Variants in ZCCHC8 observed in about 807,000 individuals in gnomAD.
ZCCHC8 encodes the protein zinc finger CCHC-type containing 8.
In ZCCHC8, 27 loss-of-function variants were observed where a neutral mutation model predicts 70.6. The ratio of observed to expected loss-of-function variants is 0.38; its 90% CI spans 0.28 to 0.53. ZCCHC8 has a LOEUF of 0.53. ZCCHC8 is among the 20% of genes least tolerant of loss of function. The pLI is 0.81. For missense variants in ZCCHC8, 737 were observed against 876.9 expected, an observed-to-expected ratio of 0.84 and a Z score of 2.01; for synonymous variants, 293 against 317.4, an observed-to-expected ratio of 0.92 and a Z score of 0.82.
At chr12:122,476,600 AAAAACAAAAAAC>A (rs1957423303) in intron 13 of ZCCHC8, among the ~76,000 whole-genome samples, 1 of 151,750 alleles carries the variant, frequency 6.6e-6, no homozygotes, top group Non-Finnish European at 1.5e-5. Flanking sequence ...TCTCAAAAAA[AAAAACAAAAAAC>A]AAAACAAAAC....
intron 5 of ZCCHC8, among the ~76,000 whole-genome samples, chr12:122,486,038 T>C (rs1486785977): frequency 3.3e-5 from 5 of 152,156 alleles, no homozygotes; most frequent in African/African-American, 1.2e-4. Context: ...CTGAGTTGAA[T>C]ACAATAACTT....
rs139496988 is a variant in ZCCHC8, at chr12:122,490,420, C to T, written c.423+42G>A. ...TGTGGCCCAATAATTGGCAGTGAAA[C>T]GCATAACTTACTAATCTTAAAGTCT... On this transcript the variant is annotated intron_variant, in intron 4 of 13. Transcript: ENST00000633063. 4.9e-5 allele frequency: 73 copies of T among 1,475,032 alleles called. No individual in the cohort carries two copies. The African/African-American group carries it at 8.0e-4, about 16-fold the overall frequency. 91.4% of individuals were successfully genotyped at this position (1,475,032 alleles called of 1,614,324 possible). A position where few individuals can be genotyped will look rare whatever the true frequency, so the allele number is the denominator to read the frequency against.
intron 5 of ZCCHC8, among the ~76,000 whole-genome samples, chr12:122,487,872 T>TTTTG (rs201194069): frequency 1.3e-5 from 2 of 151,564 alleles, no homozygotes; most frequent in East Asian, 1.9e-4. Flanking sequence ...TATATATATA[T>TTTTG]TTTGTTTGTT....
chr12:122,477,160 CTT>C (rs569339886), intron 13 of ZCCHC8, among the ~76,000 whole-genome samples: 4 of 143,280 alleles, frequency 2.8e-5, no homozygotes, highest in Non-Finnish European at 1.5e-5. Flanking sequence ...AATTCATGAT[CTT>C]TTTTTTTTTT....
chr12:122,493,654 C>A (rs1297164516), intron 2 of ZCCHC8, among the ~76,000 whole-genome samples: 3 of 151,664 alleles, frequency 2.0e-5, no homozygotes, highest in Non-Finnish European at 4.4e-5. Context: ...ACTCTGTTGC[C>A]CAGGCTGGAG....
chr12:122,497,001 G>C (rs1266909661), intron 2 of ZCCHC8, among the ~76,000 whole-genome samples: 1 of 151,780 alleles, frequency 6.6e-6, no homozygotes, highest in Non-Finnish European at 1.5e-5. Flanking sequence ...AAATAAATTA[G>C]CCGGGCCTGG....
chr12:122,498,268 G>C (rs1957859545), intron 2 of ZCCHC8, among the ~76,000 whole-genome samples: 1 of 149,594 alleles, frequency 6.7e-6, no homozygotes, highest in African/African-American at 2.5e-5. Flanking sequence ...CCAAGTAGCT[G>C]GGATTACAGG....
At chr12:122,496,629 C>T (rs1324339870) in intron 2 of ZCCHC8, among the ~76,000 whole-genome samples, 2 of 152,094 alleles carry the variant, frequency 1.3e-5, no homozygotes, top group Non-Finnish European at 2.9e-5. Context: ...TCCCATGTAG[C>T]TGAGACCAGA....
chr12:122,495,834 T>G (rs1957817478), intron 2 of ZCCHC8, among the ~76,000 whole-genome samples: 2 of 104,154 alleles, frequency 1.9e-5, no homozygotes, highest in Admixed American at 1.5e-4. Flanking sequence ...GGCGATAGAG[T>G]GACACTCTGT....
At chr12:122,487,234 G>A (rs547557531) in intron 5 of ZCCHC8, among the ~76,000 whole-genome samples, 2 of 152,294 alleles carry the variant, frequency 1.3e-5, no homozygotes, top group East Asian at 3.9e-4. Flanking sequence ...AATGTAATTC[G>A]ATGAGAGCTG....
rs538956766 is a variant in ZCCHC8, at chr12:122,473,221, G to A, written c.*276C>T. ...ACAGATAAAAACCATCACTCTCGAC[G>A]GATAGTCACAATCCAAAAATAGTAT... On this transcript the variant is annotated 3_prime_UTR_variant, in exon 14 of 14. Transcript: ENST00000633063. The A allele has an allele frequency of 1.4e-5, 5 of 363,134 alleles. No individual in the cohort carries two copies. The highest frequency in any genetic ancestry group is 2.0e-5 in the African/African-American group (1 of 49,136). The allele number at this position is 363,134 out of a possible 1,614,324, so 22.5% of individuals were successfully genotyped here. A position where few individuals can be genotyped will look rare whatever the true frequency, so the allele number is the denominator to read the frequency against.
intron 2 of ZCCHC8, 42 bp from the exon 3 acceptor site, chr12:122,492,831 T>C (rs1957771163): frequency 7.5e-7 from 1 of 1,334,900 alleles, no homozygotes; most frequent in Non-Finnish European, 1.0e-6. Flanking sequence ...GATATTTAAG[T>C]AAAACTTGCA....
In ZCCHC8 at chr12:122,500,502, G is replaced by T. The variant is rs1957906876; in HGVS notation, c.199+140C>A. ...CTAGACTCTCGGTCCGCCGGCGGGT[G>T]ACAGAAAGCACTTGGAATTCTGGCC... On this transcript the variant is annotated intron_variant, in intron 1 of 13. Transcript: ENST00000633063. This position sits in a 1 kb window ranked among gnomAD's most constrained non-coding sequence, Gnocchi z 4.8. The T allele has an allele frequency of 8.9e-7, 1 of 1,126,702 alleles. No individual in the cohort carries two copies. The highest frequency in any genetic ancestry group is 1.2e-6 in the Non-Finnish European group (1 of 819,258). 69.8% of individuals were successfully genotyped at this position (1,126,702 alleles called of 1,614,324 possible).
intron 5 of ZCCHC8, among the ~76,000 whole-genome samples, chr12:122,488,036 T>A (rs1957673744): frequency 7.0e-6 from 1 of 142,706 alleles, no homozygotes; most frequent in South Asian, 2.2e-4. Flanking sequence ...ACTTGGCTAA[T>A]TTTTTTTTTT....
intron 2 of ZCCHC8, among the ~76,000 whole-genome samples, chr12:122,497,512 A>G (rs1192633048): frequency 6.6e-6 from 1 of 152,154 alleles, no homozygotes; most frequent in East Asian, 1.9e-4. Context: ...ACTGCAGTCT[A>G]GCCTGGGAAA....
In ZCCHC8 at chr12:122,498,813, C is replaced by A. The variant is rs753698355; in HGVS notation, c.242+14G>T. ...ATAAGGGACAACTATGGAGTAATTT[C>A]AAAAATCTCATACCTCGGTCGAGTC... On this transcript the variant is annotated intron_variant, in intron 2 of 13. Transcript: ENST00000633063. 6.2e-7 allele frequency: 1 copy of A among 1,612,362 alleles called. No individual in the cohort carries two copies. Among genetic ancestry groups the A allele is most frequent in the Non-Finnish European group, 8.5e-7 (1 of 1,178,852 alleles).
In ZCCHC8 at chr12:122,485,522, T is replaced by TA. The variant is rs1957616428; in HGVS notation, c.502-1960_502-1959insT. ...AGTTCTGATCAGTCCTAACCTCCAA[T>TA]TTTATATATGGAAGTGTCAACTTGA... On this transcript the variant is annotated intron_variant, in intron 5 of 13. Transcript: ENST00000633063. Among the ~76,000 whole-genome samples the TA allele has an allele frequency of 2.6e-5, 4 of 152,276 alleles. 1 individual carries two copies. The highest frequency in any genetic ancestry group is 4.1e-4 in the South Asian group (2 of 4,824).
intron 13 of ZCCHC8, among the ~76,000 whole-genome samples, chr12:122,476,959 T>C (rs1026191522): frequency 6.9e-6 from 1 of 144,062 alleles, no homozygotes; most frequent in Non-Finnish European, 1.5e-5. Context: ...GAGGCGGAGG[T>C]TGCAGTGAGC....
intron 13 of ZCCHC8, among the ~76,000 whole-genome samples, chr12:122,474,757 G>T (rs1417943492): frequency 8.2e-6 from 1 of 122,288 alleles, no homozygotes; most frequent in Non-Finnish European, 1.7e-5. Flanking sequence ...TTTTTTTTGA[G>T]ACAGTCTTAC....
Sources: gnomAD v4.1 joint callset for allele counts (sites outside exome capture counted in the v4.1 genomes callset) on GRCh38, gnomAD v4.1.1 for gene constraint, Gnocchi (gnomAD v3.1) non-coding constraint, MANE v1.5 for transcripts, NCBI Gene and HGNC (gene_info 2026-07-23, HGNC 2026-07-21) for gene names.